Variants in ZYG11A observed in about 807,000 individuals in gnomAD.
ZYG11A encodes the protein protein zyg-11 homolog A.
ZYG11A carries 62 observed loss-of-function variants against 77.2 expected under a neutral mutation model. The ratio of observed to expected loss-of-function variants is 0.80; its 90% confidence interval spans 0.65 to 0.99. ZYG11A has a LOEUF of 0.99. Among genes scored for constraint, ZYG11A ranks in the 50% least tolerant of loss-of-function variants. ZYG11A has a pLI of 0.00. For missense variants in ZYG11A, 828 were observed against 896.8 expected, an observed-to-expected ratio of 0.92 and a Z score of 0.98; for synonymous variants, 315 against 324.6, an observed-to-expected ratio of 0.97 and a Z score of 0.32.
chr1:52,843,672 T>C (rs1158775845), intron 1 of ZYG11A, among the ~76,000 whole-genome samples: 1 of 147,688 alleles, frequency 6.8e-6, no homozygotes, highest in Non-Finnish European at 1.5e-5. Context: ...AAGTGTCGCC[T>C]TTCTTTTCTT....
intron 11 of ZYG11A, among the ~76,000 whole-genome samples, chr1:52,884,141 A>G (rs980809691): frequency 6.6e-6 from 1 of 151,482 alleles, no homozygotes; most frequent in African/African-American, 2.4e-5. Context: ...CGGCCTCCCA[A>G]AGTGCTGGGA....
At chr1:52,847,860 ATTTATTTATTTATTTATTTATTT>A (rs1414810964) in intron 1 of ZYG11A, among the ~76,000 whole-genome samples, 6 of 92,764 alleles carry the variant, frequency 6.5e-5, no homozygotes, top group African/African-American at 1.4e-4. Context: ...TTATTTATTT[ATTTATTTATTTATTTATTTATTT>A]TTTTGAGATG....
intron 1 of ZYG11A, among the ~76,000 whole-genome samples, chr1:52,847,508 CATT>C (rs1558156668): frequency 9.0e-6 from 1 of 110,502 alleles, no homozygotes; most frequent in Admixed American, 8.3e-5. Context: ...CCCAGCCTGT[CATT>C]TTTTTTTTTT....
In ZYG11A at chr1:52,857,429, T is replaced by C; in HGVS notation, c.688T>C (p.Leu230=). The part of the protein sequence containing the change: ...ISALLTCKDR[L]KSLTMHYLKC... ...TGCACTGCTTACCTGTAAGGATCGA[T>C]TGAAGTCTCTCACAATGCACTATCT... The change falls in exon 3 of 14, where the codon TTG becomes CTG. Residue 230 remains leucine, a synonymous_variant. Transcript: ENST00000371528. The C allele has an allele frequency of 6.4e-7, 1 of 1,552,082 alleles. No homozygotes were observed. The highest frequency in any genetic ancestry group is 8.7e-7 in the Non-Finnish European group (1 of 1,147,072).
Position 52,878,026 on chromosome 1 carries a change from A to C in ZYG11A, c.1749+57A>C, listed in dbSNP as rs1646292636. The C allele has an allele frequency of 8.6e-6, 12 of 1,402,974 alleles. No homozygotes were observed. In the South Asian group the frequency reaches 9.9e-5, roughly 12 times the overall value. 86.9% of individuals were successfully genotyped at this position (1,402,974 alleles called of 1,614,324 possible). A position where few individuals can be genotyped will look rare whatever the true frequency, so the allele number is the denominator to read the frequency against. On this transcript the variant is annotated intron_variant, in intron 10 of 13. Coordinates refer to ENST00000371528, the MANE Select transcript of ZYG11A (RefSeq NM_001004339.3). ...TGCTTAAAAGCAAAACCTAACACTT[A>C]TATAGTACCTACTATATGCTAGGCA...
intron 4 of ZYG11A, among the ~76,000 whole-genome samples, chr1:52,862,548 G>A (rs920893636): frequency 2.0e-5 from 3 of 151,918 alleles, no homozygotes; most frequent in Admixed American, 6.6e-5. Context: ...TCCTGACCTC[G>A]TGATCCGCCC....
rs1196354189 is a variant in ZYG11A at position 52,854,557 on chromosome 1, A to G, written c.183A>G (p.Thr61=). ...TGTGTTCTGAAAGACCTGATGGAAC[A>G]CTGTGCCTTCCGGAGCATTGGAGTT... ...EKLCSERPDG[T]LCLPEHWSFP... The change falls in exon 2 of 14, where the codon ACA becomes ACG. Residue 61 remains threonine (T), a synonymous_variant. Coordinates refer to ENST00000371528, the MANE Select transcript of ZYG11A (RefSeq NM_001004339.3). 2 of 1,551,554 alleles carry G rather than the reference A, an allele frequency of 1.3e-6. No homozygotes were observed. The highest frequency in any genetic ancestry group is 3.9e-5 in the Admixed American group (2 of 50,984).
Position 52,867,750 on chromosome 1 carries a change from G to A in ZYG11A, c.1515G>A (p.Gln505=), listed in dbSNP as rs1646053379. 1 of 1,551,396 alleles carries A rather than the reference G, an allele frequency of 6.4e-7. No homozygotes were observed. The highest frequency in any genetic ancestry group is 8.7e-7 in the Non-Finnish European group (1 of 1,146,968). ...AGCTCTCACCTGAGCAAACGGCACA[G>A]CTTGAAGAGCTTTTCATGGCAGTTA... The part of the protein sequence containing the change: ...ALQLSPEQTA[Q]LEELFMAVKE... Residue 505 remains glutamine (Q), a synonymous_variant, in exon 8 of 14, where the codon CAG becomes CAA. Coordinates refer to ENST00000371528, the MANE Select transcript of ZYG11A (RefSeq NM_001004339.3).
chr1:52,884,068 C>T (rs1393315764), intron 11 of ZYG11A, among the ~76,000 whole-genome samples: 1 of 151,764 alleles, frequency 6.6e-6, no homozygotes, highest in Non-Finnish European at 1.5e-5. Flanking sequence ...TTAGTAGAGA[C>T]GGGGTTTCAC....
chr1:52,887,659 A>T (rs1182216348), intron 13 of ZYG11A, among the ~76,000 whole-genome samples: 1 of 151,872 alleles, frequency 6.6e-6, no homozygotes. Flanking sequence ...GAGGCAGGAG[A>T]TCGCTTGAGG....
chr1:52,872,906 AAAAG>A lies in ZYG11A; in HGVS notation c.1543-4764_1543-4761del, dbSNP rs898809226. The stretch of plus-strand genomic sequence containing the variant: ...TCAAAAAAAAAAAAAAAAAGAAAAG[AAAAG>A]AAAGAAAGAAAAAAGAAATATTTTA... On this transcript the variant is annotated intron_variant, in intron 8 of 13. Coordinates refer to ENST00000371528, the MANE Select transcript of ZYG11A (RefSeq NM_001004339.3). Among the ~76,000 whole-genome samples the A allele has an allele frequency of 1.0e-4, 15 of 143,724 alleles. No homozygotes were observed. The East Asian group carries it at 1.4e-3, about 13-fold the overall frequency. The allele number at this position is 143,724 out of a possible 152,430, so 94.3% of individuals were successfully genotyped here. A position where few individuals can be genotyped will look rare whatever the true frequency, so the allele number is the denominator to read the frequency against.
intron 8 of ZYG11A, among the ~76,000 whole-genome samples, chr1:52,874,403 C>G (rs1646226369): frequency 6.6e-6 from 1 of 151,934 alleles, no homozygotes; most frequent in Non-Finnish European, 1.5e-5. Flanking sequence ...TATCACTACA[C>G]CCAGATAATT....
chr1:52,887,148 C>A, intron 13 of ZYG11A, 95 bp downstream of exon 13: 1 of 530,622 alleles, frequency 1.9e-6, no homozygotes, highest in Non-Finnish European at 3.2e-6. Context: ...AATTGTCTAC[C>A]TCTGTCCTCT....
At chr1:52,858,390 A>T (rs1645858569) in intron 3 of ZYG11A, among the ~76,000 whole-genome samples, 1 of 150,742 alleles carries the variant, frequency 6.6e-6, no homozygotes, top group Non-Finnish European at 1.5e-5. Context: ...AAAAAAAAGA[A>T]GATATAGTGG....
chr1:52,867,390 G>A, intron 6 of ZYG11A, 149 bp from the exon 7 acceptor site: 2 of 616,954 alleles, frequency 3.2e-6, no homozygotes, highest in Non-Finnish European at 5.7e-6. Context: ...TCTTCTCTCT[G>A]CCAAATGCTC....
rs1376260306 is a variant in ZYG11A at position 52,857,179 on chromosome 1, T to C, written c.438T>C (p.Ser146=). The change falls in exon 3 of 14, where the codon AGT becomes AGC. Residue 146 remains serine, a synonymous_variant. Coordinates refer to ENST00000371528, the MANE Select transcript of ZYG11A (RefSeq NM_001004339.3). Reference sequence around the variant, plus strand: ...ACCTCCCAGTTCCAGACATCATAAGTGGACTCTGCAGCAATAGGTGGATCC... The same window carrying C: ...ACCTCCCAGTTCCAGACATCATAAGCGGACTCTGCAGCAATAGGTGGATCC... ...HADLPVPDII[S]GLCSNRWIQQ... The C allele has an allele frequency of 1.3e-6, 2 of 1,552,114 alleles. No individual in the cohort carries two copies. Among genetic ancestry groups the C allele is most frequent in the South Asian group, 2.4e-5 (2 of 84,060 alleles).
At position 52,877,741 on chromosome 1, in the gene ZYG11A, G is replaced by A. The variant is rs1646286847; in HGVS notation, c.1602G>A (p.Leu534=). 10 of 1,552,036 alleles carry A rather than the reference G, an allele frequency of 6.4e-6. No homozygotes were observed. The highest frequency in any genetic ancestry group is 7.0e-6 in the Non-Finnish European group (8 of 1,147,042). Residue 534 remains leucine, a synonymous_variant, in exon 9 of 14, where the codon TTG becomes TTA. Transcript: ENST00000371528. Reference sequence around the variant, plus strand: ...AGAATTTAGATGATGTCACCTTCTTGTTTACTTTGAAAGCACTTTGGAATC... The same window carrying A: ...AGAATTTAGATGATGTCACCTTCTTATTTACTTTGAAAGCACTTTGGAATC... ...TTENLDDVTF[L]FTLKALWNLT...
intron 5 of ZYG11A, 92 bp downstream of exon 5, chr1:52,864,249 GT>G: frequency 7.5e-7 from 1 of 1,325,470 alleles, no homozygotes; most frequent in Non-Finnish European, 1.0e-6. Flanking sequence ...GGCACAATTT[GT>G]TTTTGTTTTT....
intron 1 of ZYG11A, among the ~76,000 whole-genome samples, 178 bp downstream of exon 1, chr1:52,843,151 C>G (rs1480117216): frequency 6.6e-6 from 1 of 151,876 alleles, no homozygotes; most frequent in African/African-American, 2.4e-5. Context: ...GGTGCGTTGT[C>G]GGGGGAGGCG....
Sources: gnomAD v4.1 joint callset for allele counts (sites outside exome capture counted in the v4.1 genomes callset) on GRCh38, gnomAD v4.1.1 for gene constraint, MANE v1.5 for transcripts, NCBI Gene and HGNC (gene_info 2026-07-23, HGNC 2026-07-21) for gene names.